PSMG4: variants seen among roughly 807,000 people sequenced by gnomAD.
PSMG4 encodes the protein proteasome assembly chaperone 4.
PSMG4 carries 10 observed loss-of-function variants against 11.0 expected under a neutral mutation model. The observed-to-expected ratio is 0.91, with a 90% CI of 0.56 to 1.54. The LOEUF (loss-of-function observed/expected upper bound fraction) is 1.54, where lower values mean the gene tolerates loss of function less well. PSMG4 is among the 40% of genes most tolerant of loss of function. PSMG4 has a pLI of 0.00. For synonymous variants in PSMG4, 95 were observed against 71.3 expected (o/e 1.33, Z -1.68); for missense variants, 198 against 160.9 (o/e 1.23, Z -1.25).
At chr6:3,254,436 T>A (rs1010779346), upstream of PSMG4, among the ~76,000 whole-genome samples, 2 of 120,660 alleles carry the variant, frequency 1.7e-5, no homozygotes, top group African/African-American at 5.4e-5. Context: ...GGCTTTGTGC[T>A]GTAATAGTTT....
chr6:3,255,109 A>C, upstream of PSMG4: 1 of 1,551,066 alleles, frequency 6.4e-7, no homozygotes, highest in Non-Finnish European at 8.7e-7. Context: ...TAGGAGCACA[A>C]CATCACCAGC....
upstream of PSMG4, among the ~76,000 whole-genome samples, chr6:3,256,825 G>A (rs1344009681): frequency 6.6e-6 from 1 of 152,176 alleles, no homozygotes; most frequent in Non-Finnish European, 1.5e-5. Flanking sequence ...GGGCTGCCAC[G>A]GGGAGGGTGT....
At position 3,263,570 on chromosome 6, in the gene PSMG4, C is replaced by T. The variant is rs543679417; in HGVS notation, c.175-114C>T. The T allele has an allele frequency of 4.0e-4, 357 of 886,748 alleles. 1 individual carries two copies. The African/African-American group carries it at 5.0e-3, about 12-fold the overall frequency. The allele number at this position is 886,748 out of a possible 1,614,324, so 54.9% of individuals were successfully genotyped here. A position where few individuals can be genotyped will look rare whatever the true frequency, so the allele number is the denominator to read the frequency against. On this transcript the variant is annotated intron_variant, in intron 1 of 2. Transcript: ENST00000438998. ...CTTTCCCTCGGCACCTGTGCCTGTC[C>T]TCTCTGAACCTGCCACTGCCATCGT...
intron 1 of PSMG4, among the ~76,000 whole-genome samples, chr6:3,260,291 A>ATATATATATATATATATTTTTTTTT: frequency 7.1e-5 from 5 of 70,860 alleles, no homozygotes; most frequent in East Asian, 9.1e-4. Context: ...ATATATATAT[A>ATATATATATATATATATTTTTTTTT]TTTTTTTTTT....
At chr6:3,257,596 G>GC (rs926914846), upstream of PSMG4, among the ~76,000 whole-genome samples, 47 of 152,102 alleles carry the variant, frequency 3.1e-4, 3 homozygotes. Context: ...TGACACACAA[G>GC]CAGATGAACC....
chr6:3,258,894 A>G (rs1581545650), upstream of PSMG4: 1 of 934,106 alleles, frequency 1.1e-6, no homozygotes, highest in Non-Finnish European at 1.4e-6. Context: ...CACGCCCCTC[A>G]CCCCCGCCCT....
upstream of PSMG4, among the ~76,000 whole-genome samples, chr6:3,254,785 AAT>A (rs1396963500): frequency 6.6e-6 from 1 of 152,064 alleles, no homozygotes; most frequent in African/African-American, 2.4e-5. Context: ...GGTCTGGCTG[AAT>A]GCTTGGGGTC....
At chr6:3,257,351 G>C (rs1482968419), upstream of PSMG4, among the ~76,000 whole-genome samples, 7 of 152,226 alleles carry the variant, frequency 4.6e-5, no homozygotes, top group East Asian at 1.4e-3. Flanking sequence ...AGAGAGAGAG[G>C]AGCATTGAGG....
At chr6:3,257,748 A>AG (rs565166719), upstream of PSMG4, among the ~76,000 whole-genome samples, 1 of 151,208 alleles carries the variant, frequency 6.6e-6, no homozygotes, top group South Asian at 2.1e-4. Context: ...GTCATTACTG[A>AG]GGGCAGGAGG....
At chr6:3,255,340 T>C, upstream of PSMG4, 3 of 1,464,732 alleles carry the variant, frequency 2.0e-6, no homozygotes, top group Non-Finnish European at 2.7e-6. Context: ...GTGGAGTCAT[T>C]CTATGTAGTT....
intron 2 of PSMG4, chr6:3,264,249 A>G (rs1367839346): frequency 6.4e-6 from 10 of 1,551,350 alleles, no homozygotes; most frequent in Middle Eastern, 1.7e-4. Context: ...AGTGTGGCGT[A>G]GAGTGGGGAT....
upstream of PSMG4, chr6:3,255,065 G>C (rs751505618): frequency 1.9e-6 from 3 of 1,550,952 alleles, no homozygotes; most frequent in East Asian, 4.9e-5. Flanking sequence ...AAACACACTT[G>C]GAATATGCTT....
chr6:3,256,098 G>C (rs1309294405), upstream of PSMG4, among the ~76,000 whole-genome samples: 1 of 152,122 alleles, frequency 6.6e-6, no homozygotes, highest in East Asian at 1.9e-4. Context: ...GCATCCTTTG[G>C]CTCCTGAAGG....
intron 2 of PSMG4, chr6:3,266,744 A>AC (rs1758196882): frequency 7.8e-6 from 1 of 128,334 alleles, no homozygotes. Context: ...CACACACACA[A>AC]ATATATTTGT....
chr6:3,255,101 G>A (rs866118117), upstream of PSMG4: 9 of 1,551,052 alleles, frequency 5.8e-6, no homozygotes, highest in African/African-American at 2.7e-5. Context: ...TGGCTGCATA[G>A]GAGCACAACA....
At chr6:3,257,839 A>G (rs959934254), upstream of PSMG4, among the ~76,000 whole-genome samples, 2 of 152,220 alleles carry the variant, frequency 1.3e-5, no homozygotes, top group African/African-American at 2.4e-5. Context: ...TTTGTACACT[A>G]TATATGTGCA....
intron 1 of PSMG4, among the ~76,000 whole-genome samples, chr6:3,263,290 G>A (rs1236715747): frequency 6.6e-6 from 1 of 152,230 alleles, no homozygotes; most frequent in Admixed American, 6.5e-5. Context: ...GGGGCACGAG[G>A]CACCAGTGCA....
At chr6:3,254,857 G>T (rs117325238), upstream of PSMG4, among the ~76,000 whole-genome samples, 3 of 152,124 alleles carry the variant, frequency 2.0e-5, no homozygotes, top group Non-Finnish European at 4.4e-5. Context: ...TTAACTCAGG[G>T]TGAACATGAG....
intron 1 of PSMG4, among the ~76,000 whole-genome samples, chr6:3,261,105 C>T (rs1757973977): frequency 1.3e-5 from 2 of 152,238 alleles, no homozygotes; most frequent in African/African-American, 4.8e-5. Context: ...GCCAGTGAGG[C>T]AGTGATGACT....
Sources: gnomAD v4.1 joint callset for allele counts (sites outside exome capture counted in the v4.1 genomes callset) on GRCh38, gnomAD v4.1.1 for gene constraint, MANE v1.5 for transcripts, NCBI Gene and HGNC (gene_info 2026-07-23, HGNC 2026-07-21) for gene names.